Variants in DEK observed in about 807,000 individuals in gnomAD.
The protein encoded by DEK is DEK proto-oncogene.
In DEK, 28 loss-of-function variants were observed where a neutral mutation model predicts 46.8. The ratio of observed to expected loss-of-function variants is 0.60; its 90% confidence interval spans 0.44 to 0.82. DEK has a LOEUF of 0.82. Among genes scored for constraint, DEK ranks in the 40% least tolerant of loss-of-function variants. DEK has a pLI of 0.00. For missense variants in DEK, 416 were observed against 430.6 expected (o/e 0.97, Z 0.30); for synonymous variants, 160 against 144.5 (o/e 1.11, Z -0.77).
intron 2 of DEK, among the ~76,000 whole-genome samples, chr6:18,261,536 A>C (rs1215485575): frequency 1.3e-5 from 2 of 152,202 alleles, no homozygotes; most frequent in African/African-American, 4.8e-5. Flanking sequence ...AGGCCACTGC[A>C]CTCCAGCCTG....
chr6:18,224,855 AT>A lies in DEK; in HGVS notation c.*863del. ...AAGTTTTTGAAGCTTTGATAGGTTG[AT>A]TTTTGGTCTGTCCTTATATAATATA... On this transcript the variant is annotated 3_prime_UTR_variant, in exon 11 of 11. Coordinates refer to ENST00000652689, the MANE Select transcript of DEK (RefSeq NM_003472.4). 1 of 210,868 alleles carries A rather than the reference AT, an allele frequency of 4.7e-6. No individual in the cohort carries two copies. Among genetic ancestry groups the A allele is most frequent in the East Asian group, 7.1e-5 (1 of 14,074 alleles). 13.1% of individuals were successfully genotyped at this position (210,868 alleles called of 1,614,324 possible). A position where few individuals can be genotyped will look rare whatever the true frequency, so the allele number is the denominator to read the frequency against.
chr6:18,237,091 C>T, intron 8 of DEK: 1 of 279,844 alleles, frequency 3.6e-6, no homozygotes, highest in South Asian at 9.4e-5. Flanking sequence ...TATTAAACTA[C>T]CTTCAGGCTA....
At chr6:18,259,885 G>T (rs1791778125) in intron 2 of DEK, among the ~76,000 whole-genome samples, 1 of 152,196 alleles carries the variant, frequency 6.6e-6, no homozygotes, top group South Asian at 2.1e-4. Context: ...TTCTGGCCAT[G>T]TTGTACAGAA....
chr6:18,230,187 T>C (rs975076556), intron 9 of DEK, among the ~76,000 whole-genome samples: 10 of 152,152 alleles, frequency 6.6e-5, no homozygotes, highest in Admixed American at 1.3e-4. Flanking sequence ...CTGAGAGATT[T>C]TGTCACCACC....
At chr6:18,236,659 G>C in intron 8 of DEK, 59 bp from the exon 9 acceptor site, 1 of 1,201,490 alleles carries the variant, frequency 8.3e-7, no homozygotes, top group South Asian at 1.9e-5. Flanking sequence ...TTTAACAAAG[G>C]CTGAGATGAA....
At chr6:18,230,408 G>T (rs1056794546) in intron 9 of DEK, among the ~76,000 whole-genome samples, 66 of 152,306 alleles carry the variant, frequency 4.3e-4, no homozygotes, top group African/African-American at 1.3e-3. Flanking sequence ...TGGGCTAAAT[G>T]CTCCAATTAA....
At chr6:18,248,008 GAAGATTCGAT>G (rs1022817823) in intron 7 of DEK, among the ~76,000 whole-genome samples, 24 of 152,220 alleles carry the variant, frequency 1.6e-4, no homozygotes, top group Admixed American at 3.9e-4. Context: ...GTAATGACAA[GAAGATTCGAT>G]TTAGAAGTTT....
intron 4 of DEK, among the ~76,000 whole-genome samples, chr6:18,257,624 G>T (rs781153033): frequency 6.6e-6 from 1 of 152,050 alleles, no homozygotes; most frequent in South Asian, 2.1e-4. Flanking sequence ...GCTTAAGCGG[G>T]AGGAACACTT....
Position 18,237,537 on chromosome 6 carries a change from A to G in DEK, c.763-21T>C, listed in dbSNP as rs892436606. ...GGTGGCTGTTACAAAAGAAAGTAAA[A>G]GTACACATATTGATGAGATTCAATG... On this transcript the variant is annotated intron_variant, in intron 7 of 10. Coordinates refer to ENST00000652689, the MANE Select transcript of DEK (RefSeq NM_003472.4). 2.5e-6 allele frequency: 4 copies of G among 1,594,770 alleles called. 1 individual carries two copies. The highest frequency in any genetic ancestry group is 2.3e-5 in the South Asian group (2 of 88,196).
At chr6:18,248,777 T>C (rs1343806912) in intron 7 of DEK, among the ~76,000 whole-genome samples, 2 of 152,142 alleles carry the variant, frequency 1.3e-5, no homozygotes, top group African/African-American at 4.8e-5. Flanking sequence ...CCAGGGACAT[T>C]TGACAATGTC....
Position 18,264,001 on chromosome 6 carries a change from A to G in DEK, c.-9-5T>C. 1 of 1,591,750 alleles carries G rather than the reference A, an allele frequency of 6.3e-7. No individual in the cohort carries two copies. Among genetic ancestry groups the G allele is most frequent in the Middle Eastern group, 1.7e-4 (1 of 5,968 alleles). On this transcript the variant is annotated splice_region_variant and splice_polypyrimidine_tract_variant and intron_variant, in intron 1 of 10. Transcript: ENST00000652689. ...CGAGGCGGACATGCTGTGAACCTGC[A>G]TGCGGGAAGAAAGCCGGACGTCTCG...
intron 2 of DEK, among the ~76,000 whole-genome samples, chr6:18,259,704 T>C (rs1791770480): frequency 6.6e-6 from 1 of 152,122 alleles, no homozygotes; most frequent in African/African-American, 2.4e-5. Context: ...CAAAACATCT[T>C]AAGAAAGATA....
chr6:18,242,838 T>C (rs773254520), intron 7 of DEK, among the ~76,000 whole-genome samples: 5 of 152,176 alleles, frequency 3.3e-5, no homozygotes, highest in Non-Finnish European at 5.9e-5. Context: ...TTGAGGTTTC[T>C]AAGATCTATA....
At chr6:18,264,046 C>T (rs766636879) in intron 1 of DEK, 50 bp from the exon 2 acceptor site, 3 of 1,514,344 alleles carry the variant, frequency 2.0e-6, no homozygotes, top group African/African-American at 2.8e-5. Context: ...CTCCCGCAGG[C>T]AGGACCGGGC....
Position 18,236,509 on chromosome 6 carries a change from C to T in DEK, c.990G>A (p.Lys330=), listed in dbSNP as rs1561977583. The T allele has an allele frequency of 1.0e-5, 16 of 1,606,474 alleles. No individual in the cohort carries two copies. The highest frequency in any genetic ancestry group is 1.4e-5 in the Non-Finnish European group (16 of 1,177,810). Residue 330 remains lysine (K), a synonymous_variant, in exon 9 of 11, where the codon AAG becomes AAA. Transcript: ENST00000652689. Reference sequence around the variant, plus strand: ...CCAAGTTAGCACTGGCCAGTAATTTCTTTATTGTTTCCTTTAACTCTTCAT... The same window carrying T: ...CCAAGTTAGCACTGGCCAGTAATTTTTTTATTGTTTCCTTTAACTCTTCAT... ...PTDEELKETI[K]KLLASANLEE... is the part of the protein sequence containing the mutation.
chr6:18,250,411 G>A (rs775813255), intron 6 of DEK, among the ~76,000 whole-genome samples: 2 of 152,042 alleles, frequency 1.3e-5, no homozygotes, highest in Non-Finnish European at 2.9e-5. Flanking sequence ...AGAGTTTGCA[G>A]TGAGCCGAGA....
rs11963897 is a variant in DEK, at chr6:18,258,098, G to A, written c.248-36C>T. ...AAAAAAATCACAATTAAATACCTAT[G>A]GCTTACTAATACATTTACAAAGTTA... On this transcript the variant is annotated intron_variant, in intron 3 of 10. Coordinates refer to ENST00000652689, the MANE Select transcript of DEK (RefSeq NM_003472.4). 3.0e-3 allele frequency: 4,252 copies of A among 1,396,888 alleles called. 117 individuals carry two copies. In the African/African-American group the frequency reaches 0.056, roughly 18 times the overall value. The allele number at this position is 1,396,888 out of a possible 1,614,324, so 86.5% of individuals were successfully genotyped here. A position where few individuals can be genotyped will look rare whatever the true frequency, so the allele number is the denominator to read the frequency against.
At chr6:18,227,990 G>A (rs1790214548) in intron 9 of DEK, among the ~76,000 whole-genome samples, 1 of 152,018 alleles carries the variant, frequency 6.6e-6, no homozygotes, top group Non-Finnish European at 1.5e-5. Context: ...CCTAAAATTT[G>A]ACTAAATTTC....
chr6:18,233,986 A>G (rs1356949063), intron 9 of DEK, among the ~76,000 whole-genome samples: 12 of 152,140 alleles, frequency 7.9e-5, no homozygotes, highest in African/African-American at 2.7e-4. Flanking sequence ...GCACATATAC[A>G]CCATGGAATA....
Sources: gnomAD v4.1 joint callset for allele counts (sites outside exome capture counted in the v4.1 genomes callset) on GRCh38, gnomAD v4.1.1 for gene constraint, MANE v1.5 for transcripts, NCBI Gene and HGNC (gene_info 2026-07-23, HGNC 2026-07-21) for gene names.